NRDE2: variants seen among roughly 807,000 people sequenced by gnomAD.
The protein encoded by NRDE2 is nuclear exosome regulator NRDE2.
NRDE2 carries 76 observed loss-of-function variants against 124.2 expected under a neutral mutation model. The observed-to-expected ratio is 0.61, with a 90% CI of 0.51 to 0.74. The LOEUF is 0.74. Ranked by LOEUF, NRDE2 falls within the 30% of genes least tolerant of loss-of-function variation. The pLI is 0.00. For synonymous variants in NRDE2, 489 were observed against 528.1 expected (o/e 0.93, Z 1.01); for missense variants, 1,314 against 1,417.3 (o/e 0.93, Z 1.17).
chr14:90,303,373 T>C (rs1156626313), intron 5 of NRDE2, among the ~76,000 whole-genome samples: 1 of 152,240 alleles, frequency 6.6e-6, no homozygotes, highest in African/African-American at 2.4e-5. Context: ...ATGACTAGCA[T>C]ACAATGCCTT....
At chr14:90,288,024 G>A (rs1276288714) in intron 11 of NRDE2, among the ~76,000 whole-genome samples, 193 bp downstream of exon 11, 2 of 152,142 alleles carry the variant, frequency 1.3e-5, no homozygotes, top group Non-Finnish European at 2.9e-5. Flanking sequence ...CCCCCCTCCT[G>A]AGAGGCGCCG....
At chr14:90,328,638 T>C (rs1053036698) in intron 1 of NRDE2, among the ~76,000 whole-genome samples, 3 of 152,212 alleles carry the variant, frequency 2.0e-5, no homozygotes, top group Non-Finnish European at 4.4e-5. Context: ...AATGATTCCA[T>C]AGCAAGTGCA....
rs775219775 is a variant in NRDE2 at position 90,288,385 on chromosome 14, T to C, written c.2990A>G (p.Asn997Ser). The change falls in exon 11 of 14, where the codon AAC (asparagine) becomes AGC (serine). Residue 997 changes from asparagine (N) to serine (S), a missense_variant. By Grantham distance (46) the Asn-to-Ser change is conservative (BLOSUM62 1). Transcript: ENST00000354366. ...LSQALKLYPG[N>S]QVLWRSYVQI... ...TACATAGGACCTCCAAAGAACCTGG[T>C]TGCCTGGATACAACTTTAAAGCCTG... 7 of 1,614,048 alleles carry C rather than the reference T, an allele frequency of 4.3e-6. No individual in the cohort carries two copies. Among genetic ancestry groups the C allele is most frequent in the African/African-American group, 4.0e-5 (3 of 74,916 alleles).
At chr14:90,314,645 C>T (rs1180480484) in intron 3 of NRDE2, among the ~76,000 whole-genome samples, 4 of 152,084 alleles carry the variant, frequency 2.6e-5, no homozygotes, top group Non-Finnish European at 4.4e-5. Context: ...TTTGGGAAGA[C>T]GTAACAATTA....
At chr14:90,316,190 CTGAA>C (rs923185190) in intron 3 of NRDE2, among the ~76,000 whole-genome samples, 1 of 152,046 alleles carries the variant, frequency 6.6e-6, no homozygotes. Flanking sequence ...ATAGGAGTGA[CTGAA>C]TGAAAGATAT....
intron 4 of NRDE2, among the ~76,000 whole-genome samples, chr14:90,307,071 T>C (rs1211139789): frequency 6.6e-6 from 1 of 152,206 alleles, no homozygotes; most frequent in Non-Finnish European, 1.5e-5. Flanking sequence ...GGAAAAATGT[T>C]ACTGGCCTAT....
chr14:90,316,907 T>A, intron 2 of NRDE2, 96 bp from the exon 3 acceptor site: 1 of 827,732 alleles, frequency 1.2e-6, no homozygotes, highest in Non-Finnish European at 1.9e-6. Flanking sequence ...GATGGAACTA[T>A]ATAAATGTTC....
Position 90,316,615 on chromosome 14 carries a change from C to G in NRDE2, c.370G>C (p.Gly124Arg). 2 of 1,614,070 alleles carry G rather than the reference C, an allele frequency of 1.2e-6. No individual in the cohort carries two copies. Among genetic ancestry groups the G allele is most frequent in the Non-Finnish European group, 1.7e-6 (2 of 1,180,010 alleles). ...TDSEKDKPSR[G>R]VGGSKKESEE... is the part of the protein sequence containing the mutation. Reference sequence around the variant, plus strand: ...GATTCCTTTTTACTGCCTCCAACGCCTCTGGAAGGTTTGTCCTTTTCAGAA... The same window carrying G: ...GATTCCTTTTTACTGCCTCCAACGCGTCTGGAAGGTTTGTCCTTTTCAGAA... The change falls in exon 3 of 14, where the codon GGC (glycine) becomes CGC (arginine). Residue 124 changes from glycine to arginine, a missense_variant. Transcript: ENST00000354366.
chr14:90,330,347 T>C (rs1885638939), intron 1 of NRDE2, among the ~76,000 whole-genome samples: 1 of 152,208 alleles, frequency 6.6e-6, no homozygotes, highest in South Asian at 2.1e-4. Flanking sequence ...AATTATTAAG[T>C]AACTACTATC....
intron 13 of NRDE2, 88 bp from the exon 14 acceptor site, chr14:90,278,549 T>TGACCCTGCCCTCCTGTC (rs1891863964): frequency 1.3e-6 from 2 of 1,551,264 alleles, no homozygotes; most frequent in East Asian, 4.5e-5. Flanking sequence ...AGGTTCCTGG[T>TGACCCTGCCCTCCTGTC]GACCCTGCCC....
chr14:90,314,863 T>C (rs1595073768), intron 3 of NRDE2, among the ~76,000 whole-genome samples: 2 of 152,130 alleles, frequency 1.3e-5, no homozygotes, highest in South Asian at 4.2e-4. Flanking sequence ...CTGCTTTATT[T>C]TTTCCTCTAA....
At chr14:90,295,366 A>G (rs1884106592) in intron 8 of NRDE2, among the ~76,000 whole-genome samples, 2 of 152,208 alleles carry the variant, frequency 1.3e-5, no homozygotes, top group African/African-American at 2.4e-5. Context: ...CATAATGTAT[A>G]TATTAGCATT....
rs1443072840 is a variant in NRDE2 at position 90,271,199 on chromosome 14, CCATTTGAAGTAA to C, written c.*7125_*7136del. 12 of 152,188 alleles carry C rather than the reference CCATTTGAAGTAA, an allele frequency of 7.9e-5. No homozygotes were observed. Among genetic ancestry groups the C allele is most frequent in the African/African-American group, 2.9e-4 (12 of 41,430 alleles). The allele number at this position is 152,188 out of a possible 1,614,324, so 9.4% of individuals were successfully genotyped here. A position where few individuals can be genotyped will look rare whatever the true frequency, so the allele number is the denominator to read the frequency against. Reference sequence around the variant, plus strand: ...ACACAAAACTTTCTTTTCACCCGAACCATTTGAAGTAAATAACCTGATGGCCATCACCAAACA... The same window carrying C: ...ACACAAAACTTTCTTTTCACCCGAACATAACCTGATGGCCATCACCAAACA... On this transcript the variant is annotated 3_prime_UTR_variant, in exon 14 of 14. Coordinates refer to ENST00000354366, the MANE Select transcript of NRDE2 (RefSeq NM_017970.4).
intron 4 of NRDE2, 142 bp from the exon 5 acceptor site, chr14:90,304,524 T>A: frequency 1.6e-6 from 1 of 609,852 alleles, no homozygotes; most frequent in Non-Finnish European, 2.8e-6. Context: ...TTGTTTCTAT[T>A]TGGAGATACA....
intron 4 of NRDE2, among the ~76,000 whole-genome samples, chr14:90,311,325 T>C (rs1204049413): frequency 6.6e-6 from 1 of 152,188 alleles, no homozygotes. Context: ...GTATCAGATA[T>C]GGTTTGGCTC....
intron 8 of NRDE2, among the ~76,000 whole-genome samples, chr14:90,294,407 T>A (rs1892353987): frequency 6.6e-6 from 1 of 151,966 alleles, no homozygotes; most frequent in South Asian, 2.1e-4. Flanking sequence ...TGTACACCCA[T>A]GTTCATAGCA....
At position 90,275,427 on chromosome 14, in the gene NRDE2, C is replaced by G. The variant is rs1891783349; in HGVS notation, c.*2909G>C. 6.6e-6 allele frequency: 1 copy of G among 152,170 alleles called. No individual in the cohort carries two copies. The highest frequency in any genetic ancestry group is 1.5e-5 in the Non-Finnish European group (1 of 68,032). The allele number at this position is 152,170 out of a possible 1,614,324, so 9.4% of individuals were successfully genotyped here. A position where few individuals can be genotyped will look rare whatever the true frequency, so the allele number is the denominator to read the frequency against. On this transcript the variant is annotated 3_prime_UTR_variant, in exon 14 of 14. Coordinates refer to ENST00000354366, the MANE Select transcript of NRDE2 (RefSeq NM_017970.4). ...TTGAGATTAAAAAAAACAAAAAACCCCAGCACATCAGTATTGCCTTTTCCT... is the reference window on the plus strand; with the variant it reads ...TTGAGATTAAAAAAAACAAAAAACCGCAGCACATCAGTATTGCCTTTTCCT...
chr14:90,295,588 C>A (rs1241320750), intron 8 of NRDE2, among the ~76,000 whole-genome samples: 1 of 152,130 alleles, frequency 6.6e-6, no homozygotes, highest in East Asian at 1.9e-4. Context: ...GATTACAGAG[C>A]TTTGGACACA....
chr14:90,307,646 T>C (rs557059326), intron 4 of NRDE2, among the ~76,000 whole-genome samples: 28 of 152,166 alleles, frequency 1.8e-4, no homozygotes, highest in South Asian at 2.1e-4. Context: ...GAGGCCAAGG[T>C]GGGCGGATCA....
Sources: gnomAD v4.1 joint callset for allele counts (sites outside exome capture counted in the v4.1 genomes callset) on GRCh38, gnomAD v4.1.1 for gene constraint, MANE v1.5 for transcripts, NCBI Gene and HGNC (gene_info 2026-07-23, HGNC 2026-07-21) for gene names.